The following CCT4 variants were observed in gnomAD, a reference collection of about 807,000 sequenced individuals.
The protein encoded by CCT4 is T-complex protein 1 subunit delta.
In CCT4, 17 loss-of-function variants were observed where a neutral mutation model predicts 62.5. The observed-to-expected ratio is 0.27, with a 90% CI of 0.19 to 0.41. CCT4 has a LOEUF of 0.41. CCT4 is among the 10% of genes least tolerant of loss of function. The pLI is 1.00. For missense variants in CCT4, 592 were observed against 659.2 expected, an observed-to-expected ratio of 0.90 and a Z score of 1.12; for synonymous variants, 250 against 229.9, an observed-to-expected ratio of 1.09 and a Z score of -0.79.
At chr2:61,883,773 GAC>G (rs59031193) in intron 2 of CCT4, among the ~76,000 whole-genome samples, 12,264 of 143,668 alleles carry the variant, frequency 0.085, 539 homozygotes, top group Middle Eastern at 0.12. Context: ...AAGAAATGTA[GAC>G]ACACACACAC....
At chr2:61,872,710 G>A (rs909956146) in intron 10 of CCT4, 122 bp from the exon 11 acceptor site, 34 of 902,470 alleles carry the variant, frequency 3.8e-5, no homozygotes, top group Admixed American at 1.2e-4. Context: ...GGTGGCTAAC[G>A]AGGTGAGGAG....
At chr2:61,887,284 C>T (rs180836285) in intron 1 of CCT4, among the ~76,000 whole-genome samples, 20 of 152,276 alleles carry the variant, frequency 1.3e-4, no homozygotes, top group Admixed American at 1.2e-3. Context: ...CATCACATTC[C>T]CAGTTACTTG....
chr2:61,875,835 A>G (rs11888465), intron 8 of CCT4, among the ~76,000 whole-genome samples: 90,675 of 151,942 alleles, frequency 0.6, 27,698 homozygotes, highest in Middle Eastern at 0.76. Context: ...TTTGTTTAAA[A>G]TGCTTTTCCT....
rs1414049041 is a variant in CCT4 at position 61,869,693 on chromosome 2, C to T, written c.1492-140G>A. 1.8e-5 allele frequency: 11 copies of T among 609,024 alleles called. No homozygotes were observed. In the East Asian group the frequency reaches 3.1e-4, roughly 17 times the overall value. 37.7% of individuals were successfully genotyped at this position (609,024 alleles called of 1,614,324 possible). A position where few individuals can be genotyped will look rare whatever the true frequency, so the allele number is the denominator to read the frequency against. On this transcript the variant is annotated intron_variant, in intron 12 of 13. Coordinates refer to ENST00000394440, the MANE Select transcript of CCT4 (RefSeq NM_006430.4). ...GATTAGAATATGATACTCTACTAAG[C>T]TTTTCTCTACACTGTGGGATGTTAT...
At chr2:61,888,258 C>G in intron 1 of CCT4, 123 bp downstream of exon 1, 1 of 1,226,080 alleles carries the variant, frequency 8.2e-7, no homozygotes, top group East Asian at 2.6e-5. Flanking sequence ...TGGGCTGCTT[C>G]TATAGGGAGG....
intron 8 of CCT4, among the ~76,000 whole-genome samples, chr2:61,874,236 C>G (rs1487161811): frequency 2.6e-5 from 4 of 152,096 alleles, no homozygotes; most frequent in Non-Finnish European, 5.9e-5. Context: ...GGATTAGAAC[C>G]AAGTCTTCTG....
chr2:61,882,870 A>G (rs1270208686), intron 3 of CCT4, among the ~76,000 whole-genome samples: 1 of 149,466 alleles, frequency 6.7e-6, no homozygotes, highest in East Asian at 2.0e-4. Context: ...TGGTGTGATT[A>G]TAGCTCTCTG....
At chr2:61,886,720 T>G (rs957032282) in intron 1 of CCT4, among the ~76,000 whole-genome samples, 1 of 152,200 alleles carries the variant, frequency 6.6e-6, no homozygotes, top group Non-Finnish European at 1.5e-5. Flanking sequence ...ATTTTGTTTG[T>G]TGAATATCAA....
At chr2:61,878,732 A>G (rs1024407210) in intron 5 of CCT4, 137 bp downstream of exon 5, 15 of 516,852 alleles carry the variant, frequency 2.9e-5, no homozygotes, top group Non-Finnish European at 4.3e-5. Context: ...TTAATCTTAA[A>G]CCAATTCAAT....
chr2:61,873,066 T>C lies in CCT4; in HGVS notation c.1061A>G (p.Asp354Gly), dbSNP rs1365860751. ...PVAHIDQFTA[D>G]MLGSAELAEE... Reference sequence around the variant, plus strand: ...AGCTAACTCAGCAGAACCCAGCATGTCAGCAGTAAATTGGTCAATATGAGC... The same window carrying C: ...AGCTAACTCAGCAGAACCCAGCATGCCAGCAGTAAATTGGTCAATATGAGC... The change falls in exon 10 of 14, where the codon GAC (aspartate) becomes GGC (glycine). Residue 354 changes from aspartate (D) to glycine (G), a missense_variant. By Grantham distance (94) the Asp-to-Gly change is moderately conservative. Around this residue, in one of 3 missense-constraint regions of CCT4, gnomAD observed 522 missense variants for 571.2 expected, o/e 0.91. Transcript: ENST00000394440. 2 of 1,613,694 alleles carry C rather than the reference T, an allele frequency of 1.2e-6. No individual in the cohort carries two copies. Among genetic ancestry groups the C allele is most frequent in the South Asian group, 2.2e-5 (2 of 91,072 alleles).
At chr2:61,884,034 A>T (rs1038260979) in intron 2 of CCT4, among the ~76,000 whole-genome samples, 2 of 152,112 alleles carry the variant, frequency 1.3e-5, no homozygotes, top group African/African-American at 4.8e-5. Context: ...AGCGGAGAAT[A>T]ATCTATAGTA....
chr2:61,883,596 T>TTTAA (rs1669164712), intron 2 of CCT4, 48 bp from the exon 3 acceptor site: 4 of 894,706 alleles, frequency 4.5e-6, no homozygotes, highest in Non-Finnish European at 7.0e-6. Context: ...ACCTTAATAG[T>TTTAA]TTTATTAAAC....
Position 61,881,662 on chromosome 2 carries a change from T to C in CCT4, c.271-1268A>G, listed in dbSNP as rs553175279. On this transcript the variant is annotated intron_variant, in intron 3 of 13. Transcript: ENST00000394440. ...GTTTATTTCCAATCATTTTCTATTT[T>C]TTAAGTAAGCTCACAGTATATACGT... Among the ~76,000 whole-genome samples, 4 of 152,312 alleles carry C rather than the reference T, an allele frequency of 2.6e-5. 1 individual carries two copies. The highest frequency in any genetic ancestry group is 9.6e-5 in the African/African-American group (4 of 41,582).
intron 12 of CCT4, among the ~76,000 whole-genome samples, 162 bp from the exon 13 acceptor site, chr2:61,869,715 T>C (rs1668845325): frequency 6.6e-6 from 1 of 152,128 alleles, no homozygotes. Flanking sequence ...CTGTGGGATG[T>C]TATTTCAATT....
In CCT4 at chr2:61,873,229, T is replaced by C. The variant is rs755292873; in HGVS notation, c.982A>G (p.Ile328Val). Residue 328 changes from isoleucine (I) to valine (V), a missense_variant, in exon 9 of 14, where the codon ATT becomes GTT. By Grantham distance (29) the Ile-to-Val change is conservative. Coordinates refer to ENST00000394440, the MANE Select transcript of CCT4 (RefSeq NM_006430.4). ...NKMKIMVIKD[I>V]EREDIEFICK... ...ATGAATTCAATGTCTTCTCTTTCAA[T>C]ATCCTTAATCACCATGATCTTCATT... 1.0e-5 allele frequency: 16 copies of C among 1,528,508 alleles called. No individual in the cohort carries two copies. The highest frequency in any genetic ancestry group is 1.4e-5 in the Non-Finnish European group (15 of 1,102,260). The allele number at this position is 1,528,508 out of a possible 1,614,324, so 94.7% of individuals were successfully genotyped here.
intron 5 of CCT4, 87 bp from the exon 6 acceptor site, chr2:61,877,601 C>G: frequency 9.2e-7 from 1 of 1,085,236 alleles, no homozygotes; most frequent in Non-Finnish European, 1.3e-6. Flanking sequence ...AAGAAAGACT[C>G]TTATAATTTT....
chr2:61,869,357 AAAC>A lies in CCT4; in HGVS notation c.1605+80_1605+82del, dbSNP rs562532673. On this transcript the variant is annotated intron_variant, in intron 13 of 13. Coordinates refer to ENST00000394440, the MANE Select transcript of CCT4 (RefSeq NM_006430.4). The stretch of plus-strand genomic sequence containing the variant: ...TCTCAAAAAAACCAACCAACCAACC[AAAC>A]AACAACAACAACAAAAAACCTTTAA... 452 of 786,534 alleles carry A rather than the reference AAAC, an allele frequency of 5.7e-4. 1 individual carries two copies. In the East Asian group the frequency reaches 6.0e-3, roughly 10 times the overall value. 48.7% of individuals were successfully genotyped at this position (786,534 alleles called of 1,614,324 possible). A position where few individuals can be genotyped will look rare whatever the true frequency, so the allele number is the denominator to read the frequency against.
At chr2:61,883,098 C>A (rs1156256093) in intron 3 of CCT4, among the ~76,000 whole-genome samples, 3 of 152,070 alleles carry the variant, frequency 2.0e-5, no homozygotes, top group East Asian at 3.8e-4. Context: ...ATAAATTTAA[C>A]TGTTTACCAA....
At chr2:61,871,940 GATTA>G (rs1204579835) in intron 12 of CCT4, 138 bp downstream of exon 12, 9 of 608,350 alleles carry the variant, frequency 1.5e-5, no homozygotes, top group African/African-American at 1.3e-4. Context: ...CAATGGCATA[GATTA>G]ATTAACATGC....
Sources: gnomAD v4.1 joint callset for allele counts (sites outside exome capture counted in the v4.1 genomes callset) on GRCh38, gnomAD v4.1.1 for gene constraint, gnomAD v4.1.1 regional missense constraint, MANE v1.5 for transcripts, NCBI Gene and HGNC (gene_info 2026-07-23, HGNC 2026-07-21) for gene names.